Variants in PLEKHH2 observed in about 807,000 individuals in gnomAD.
The protein encoded by PLEKHH2 is pleckstrin homology domain-containing family H member 2.
A neutral mutation model predicts 187.9 loss-of-function variants in PLEKHH2; 129 were observed. The ratio of observed to expected loss-of-function variants is 0.69; its 90% CI spans 0.59 to 0.79. The LOEUF (loss-of-function observed/expected upper bound fraction) is 0.79, where lower values mean the gene tolerates loss of function less well. Among genes scored for constraint, PLEKHH2 ranks in the 30% least tolerant of loss-of-function variants. PLEKHH2 has a pLI of 0.00. For synonymous variants in PLEKHH2, 686 were observed against 605.6 expected (o/e 1.13, Z -1.95); for missense variants, 2,076 against 1,751.2 (o/e 1.19, Z -3.31).
rs1395730064 is a variant in PLEKHH2, at chr2:43,765,406, G to C, written c.4297-7G>C. 6.2e-7 allele frequency: 1 copy of C among 1,613,494 alleles called. No homozygotes were observed. The highest frequency in any genetic ancestry group is 1.7e-5 in the Admixed American group (1 of 60,002). Reference sequence around the variant, plus strand: ...GGAGCAAAACAATTCTGTTTTCCTTGTTTTAGATTCTTGAAATCACTCTTT... The same window carrying C: ...GGAGCAAAACAATTCTGTTTTCCTTCTTTTAGATTCTTGAAATCACTCTTT... On this transcript the variant is annotated splice_polypyrimidine_tract_variant and splice_region_variant and intron_variant, in intron 29 of 29. Transcript: ENST00000282406.
intron 23 of PLEKHH2, 130 bp downstream of exon 23, chr2:43,744,119 G>T (rs147132637): frequency 3.6e-6 from 5 of 1,391,246 alleles, no homozygotes; most frequent in South Asian, 1.8e-5. Flanking sequence ...TAATCTCCAC[G>T]ATAAGAAAAA....
At chr2:43,727,990 T>C (rs1670847341) in intron 17 of PLEKHH2, among the ~76,000 whole-genome samples, 1 of 152,212 alleles carries the variant, frequency 6.6e-6, no homozygotes. Flanking sequence ...AAGCTTTTAT[T>C]GTCTCTGAGA....
chr2:43,638,231 G>T (rs572877124), intron 1 of PLEKHH2, among the ~76,000 whole-genome samples: 1 of 149,506 alleles, frequency 6.7e-6, no homozygotes, highest in Non-Finnish European at 1.5e-5. Flanking sequence ...CCTCAGTCTC[G>T]TCGAGAAAGA....
At chr2:43,702,920 C>G (rs57330352) in intron 8 of PLEKHH2, among the ~76,000 whole-genome samples, 5,083 of 152,190 alleles carry the variant, frequency 0.033, 295 homozygotes, top group African/African-American at 0.12. Flanking sequence ...TCCCCTCTCT[C>G]TAATTCTACT....
At chr2:43,742,415 A>G (rs1290479115) in intron 21 of PLEKHH2, among the ~76,000 whole-genome samples, 1 of 151,950 alleles carries the variant, frequency 6.6e-6, no homozygotes, top group Admixed American at 6.6e-5. Flanking sequence ...ACTATTCTTC[A>G]TGCAATTGCT....
chr2:43,706,121 A>T (rs144694482), intron 9 of PLEKHH2, among the ~76,000 whole-genome samples: 19 of 152,324 alleles, frequency 1.2e-4, no homozygotes, highest in African/African-American at 4.6e-4. Flanking sequence ...AGCACACATG[A>T]GGAAATAATG....
chr2:43,639,797 T>C (rs1337877553), intron 1 of PLEKHH2, among the ~76,000 whole-genome samples: 1 of 151,910 alleles, frequency 6.6e-6, no homozygotes, highest in Non-Finnish European at 1.5e-5. Context: ...GCTGGAATTA[T>C]AGGCCTGCAC....
At chr2:43,761,425 T>A (rs1256142205) in intron 27 of PLEKHH2, among the ~76,000 whole-genome samples, 1 of 150,376 alleles carries the variant, frequency 6.6e-6, no homozygotes, top group Non-Finnish European at 1.5e-5. Context: ...TTTTTTTTTT[T>A]TTTTAGATGA....
chr2:43,684,829 A>T (rs982594658), intron 3 of PLEKHH2, among the ~76,000 whole-genome samples: 2 of 151,046 alleles, frequency 1.3e-5, no homozygotes, highest in African/African-American at 4.9e-5. Context: ...CAAAAAAAAA[A>T]AAAAAAAGAG....
intron 3 of PLEKHH2, among the ~76,000 whole-genome samples, chr2:43,687,361 T>G (rs1668572931): frequency 6.6e-6 from 1 of 152,230 alleles, no homozygotes; most frequent in Non-Finnish European, 1.5e-5. Context: ...TTCCCTGGTG[T>G]GTATGTACCA....
chr2:43,695,267 C>T lies in PLEKHH2; in HGVS notation c.502+43C>T, dbSNP rs186490151. 5 of 1,111,746 alleles carry T rather than the reference C, an allele frequency of 4.5e-6. No individual in the cohort carries two copies. The Admixed American group carries it at 7.6e-5, about 17-fold the overall frequency. The allele number at this position is 1,111,746 out of a possible 1,614,324, so 68.9% of individuals were successfully genotyped here. A position where few individuals can be genotyped will look rare whatever the true frequency, so the allele number is the denominator to read the frequency against. ...AGATAGCTTAGTTGGATTTATTTGA[C>T]TATATAGGCTTTTACTTTTTTTGAT... On this transcript the variant is annotated intron_variant, in intron 6 of 29. Transcript: ENST00000282406.
intron 2 of PLEKHH2, among the ~76,000 whole-genome samples, chr2:43,656,746 A>G (rs1178752396): frequency 6.6e-6 from 1 of 152,260 alleles, no homozygotes; most frequent in Non-Finnish European, 1.5e-5. Context: ...GGCTGGGTGC[A>G]GTGGCTCACG....
rs771798095 is a variant in PLEKHH2, at chr2:43,700,327, C to T, written c.1369C>T (p.His457Tyr). Residue 457 changes from histidine to tyrosine, a missense_variant, in exon 8 of 30, where the codon CAC (histidine) becomes TAC (tyrosine). Transcript: ENST00000282406. The part of the protein sequence containing the change: ...FSISVALAKR[H>Y]LSQPQLSSDR... ...TATAAGTGTAGCACTAGCCAAAAGG[C>T]ACTTAAGCCAGCCACAGTTAAGCTC... is the stretch of plus-strand genomic sequence containing the variant. 1 of 1,613,948 alleles carries T rather than the reference C, an allele frequency of 6.2e-7. No homozygotes were observed. The highest frequency in any genetic ancestry group is 1.7e-5 in the Admixed American group (1 of 59,994).
intron 3 of PLEKHH2, chr2:43,681,435 T>G (rs1324180981): frequency 6.5e-7 from 1 of 1,547,708 alleles, no homozygotes; most frequent in Non-Finnish European, 8.7e-7. Context: ...AATGAGTTCC[T>G]TGTCAAAATA....
intron 2 of PLEKHH2, among the ~76,000 whole-genome samples, chr2:43,677,013 A>G (rs1667842202): frequency 6.6e-6 from 1 of 152,198 alleles, no homozygotes; most frequent in African/African-American, 2.4e-5. Flanking sequence ...TTTTTAATCT[A>G]CAATCCACTG....
chr2:43,694,410 A>C, intron 4 of PLEKHH2, 21 bp from the exon 5 acceptor site: 1 of 1,545,478 alleles, frequency 6.5e-7, no homozygotes, highest in Non-Finnish European at 8.8e-7. Flanking sequence ...TGAACTAAAC[A>C]AATTGCTATT....
intron 4 of PLEKHH2, among the ~76,000 whole-genome samples, chr2:43,693,723 C>CAAAAAAAAAAAAAAAAAAA (rs70965316): frequency 1.4e-5 from 1 of 69,664 alleles, no homozygotes; most frequent in Non-Finnish European, 2.5e-5. Flanking sequence ...GACTCCATCT[C>CAAAAAAAAAAAAAAAAAAA]AAAAAAAAAA....
At chr2:43,694,119 C>T (rs1190253177) in intron 4 of PLEKHH2, among the ~76,000 whole-genome samples, 1 of 152,102 alleles carries the variant, frequency 6.6e-6, no homozygotes. Context: ...ACGTGGTTGA[C>T]CCCTAAATCC....
intron 20 of PLEKHH2, among the ~76,000 whole-genome samples, chr2:43,738,903 C>G (rs967511600): frequency 6.6e-6 from 1 of 152,040 alleles, no homozygotes; most frequent in Non-Finnish European, 1.5e-5. Context: ...ATCTTTGAAC[C>G]TAAATGAGAT....
Sources: allele counts gnomAD v4.1 joint callset (sites outside exome capture counted in the v4.1 genomes callset), GRCh38; gene constraint gnomAD v4.1.1; transcripts MANE v1.5; gene names NCBI Gene and HGNC (gene_info 2026-07-23, HGNC 2026-07-21).